The following ARB2A variants were observed in gnomAD, a reference collection of about 807,000 sequenced individuals.
The protein encoded by ARB2A is ARB2 cotranscriptional regulator A.
At chr5:93,925,846 A>C in the ARB2A span, among the ~76,000 whole-genome samples, 1 of 152,152 alleles carries the variant, frequency 6.6e-6, no homozygotes, top group Admixed American at 6.5e-5. Context: ...TTTGAGGAAG[A>C]GGTCTATTTC....
chr5:93,970,492 C>T, the ARB2A span, among the ~76,000 whole-genome samples: 1 of 152,030 alleles, frequency 6.6e-6, no homozygotes, highest in East Asian at 1.9e-4. Flanking sequence ...AGAAAAATAA[C>T]TTTTAAATGC....
the ARB2A span, chr5:93,683,164 TTCC>T: frequency 7.3e-7 from 1 of 1,365,990 alleles, no homozygotes; most frequent in Non-Finnish European, 1.0e-6. Flanking sequence ...TTTCTTCAGC[TTCC>T]TCATCATCAA....
At chr5:93,741,212 C>T in the ARB2A span, 1 of 1,613,872 alleles carries the variant, frequency 6.2e-7, no homozygotes, top group Non-Finnish European at 8.5e-7. Context: ...CCCGAGATGT[C>T]CTCTGGCGGC....
At chr5:93,917,373 T>C in the ARB2A span, among the ~76,000 whole-genome samples, 1 of 152,160 alleles carries the variant, frequency 6.6e-6, no homozygotes, top group Non-Finnish European at 1.5e-5. Context: ...ACATAGCTAG[T>C]AGGAGACAAA....
chr5:93,748,889 T>G, the ARB2A span, among the ~76,000 whole-genome samples: 1 of 152,202 alleles, frequency 6.6e-6, no homozygotes, highest in Non-Finnish European at 1.5e-5. Context: ...TTGCCTTCTT[T>G]TCATCATATC....
the ARB2A span, chr5:93,683,462 G>A: frequency 1.9e-6 from 3 of 1,597,140 alleles, no homozygotes; most frequent in Non-Finnish European, 2.5e-6. Context: ...AAGGGAAACT[G>A]TTGGCTGTAC....
At chr5:94,071,207 C>A in the ARB2A span, among the ~76,000 whole-genome samples, 1 of 151,908 alleles carries the variant, frequency 6.6e-6, no homozygotes, top group East Asian at 1.9e-4. Flanking sequence ...TAAAATTCAG[C>A]AATGAAACGA....
the ARB2A span, among the ~76,000 whole-genome samples, chr5:93,948,691 G>T: frequency 6.6e-6 from 1 of 152,130 alleles, no homozygotes; most frequent in East Asian, 1.9e-4. Flanking sequence ...TTTGTATAAG[G>T]TGTAAGGAAC....
At chr5:93,680,119 C>T in the ARB2A span, among the ~76,000 whole-genome samples, 5 of 152,100 alleles carry the variant, frequency 3.3e-5, no homozygotes, top group East Asian at 3.9e-4. Context: ...GCATACACAT[C>T]GACACACTTT....
the ARB2A span, among the ~76,000 whole-genome samples, chr5:93,806,151 T>C: frequency 6.6e-6 from 1 of 152,062 alleles, no homozygotes; most frequent in Admixed American, 6.6e-5. Flanking sequence ...TGCACCAAGT[T>C]GAGAGGCACT....
the ARB2A span, among the ~76,000 whole-genome samples, chr5:93,667,357 T>C: frequency 2.6e-4 from 40 of 152,338 alleles, no homozygotes; most frequent in East Asian, 3.7e-3. Flanking sequence ...GTACTAATCA[T>C]ACCTTCCATT....
chr5:93,760,111 C>A, the ARB2A span, among the ~76,000 whole-genome samples: 1 of 152,068 alleles, frequency 6.6e-6, no homozygotes, highest in Admixed American at 6.6e-5. Flanking sequence ...AGCGACCAAG[C>A]GGAGAATCAA....
chr5:93,793,880 G>A, the ARB2A span, among the ~76,000 whole-genome samples: 1 of 152,130 alleles, frequency 6.6e-6, no homozygotes, highest in East Asian at 1.9e-4. Flanking sequence ...ACCCAAAATG[G>A]CCCTTCAGAG....
chr5:93,621,418 CG>C, the ARB2A span, among the ~76,000 whole-genome samples: 1 of 152,216 alleles, frequency 6.6e-6, no homozygotes, highest in Non-Finnish European at 1.5e-5. Flanking sequence ...TAGGCGTCTC[CG>C]GCCTCAGTCC....
chr5:93,913,934 G>T, the ARB2A span, among the ~76,000 whole-genome samples: 3 of 151,820 alleles, frequency 2.0e-5, no homozygotes, highest in African/African-American at 4.8e-5. Context: ...AATAGACAGA[G>T]CTTGGTTTTA....
At chr5:94,087,479 AGTT>A in the ARB2A span, among the ~76,000 whole-genome samples, 1 of 152,256 alleles carries the variant, frequency 6.6e-6, no homozygotes, top group South Asian at 2.1e-4. Flanking sequence ...GAATAAAACT[AGTT>A]GTATATATTT....
the ARB2A span, among the ~76,000 whole-genome samples, chr5:93,800,227 T>TA: frequency 6.6e-6 from 1 of 152,112 alleles, no homozygotes; most frequent in African/African-American, 2.4e-5. Context: ...CAAGCTTGAC[T>TA]ATAGTGGTAA....
At chr5:93,741,500 T>A in the ARB2A span, 1 of 1,611,880 alleles carries the variant, frequency 6.2e-7, no homozygotes, top group Non-Finnish European at 8.5e-7. Flanking sequence ...ATCGGCCCTC[T>A]GGGGCCGCCC....
the ARB2A span, among the ~76,000 whole-genome samples, chr5:93,844,186 G>A: frequency 6.6e-6 from 1 of 151,916 alleles, no homozygotes; most frequent in Admixed American, 6.6e-5. Flanking sequence ...GCTCACGCCT[G>A]TAATTCCAGC....
Sources: gnomAD v4.1 joint callset for allele counts (sites outside exome capture counted in the v4.1 genomes callset) on GRCh38, gnomAD v4.1.1 for gene constraint, MANE v1.5 for transcripts, NCBI Gene and HGNC (gene_info 2026-07-23, HGNC 2026-07-21) for gene names.